Variants in GLIS3 observed in about 807,000 individuals in gnomAD.
GLIS3 encodes the protein zinc finger protein GLIS3.
In GLIS3, 53 loss-of-function variants were observed where a neutral mutation model predicts 78.6. The observed-to-expected ratio is 0.67, with a 90% CI of 0.54 to 0.85. The LOEUF (loss-of-function observed/expected upper bound fraction) is 0.85. Among genes scored for constraint, GLIS3 ranks in the 40% least tolerant of loss-of-function variants. GLIS3 has a pLI of 0.00. For missense variants in GLIS3, 1,703 were observed against 1,231.1 expected (o/e 1.38, Z -5.74); for synonymous variants, 684 against 509.9 (o/e 1.34, Z -4.60).
chr9:4,131,641 T>C (rs761333597), intron 2 of GLIS3, among the ~76,000 whole-genome samples: 24 of 152,352 alleles, frequency 1.6e-4, no homozygotes, highest in Non-Finnish European at 2.8e-4. Context: ...GAAAGTTTCC[T>C]GAGGCCACCC....
chr9:3,982,257 C>T (rs972848419), intron 4 of GLIS3, among the ~76,000 whole-genome samples: 1 of 151,616 alleles, frequency 6.6e-6, no homozygotes, highest in Non-Finnish European at 1.5e-5. Flanking sequence ...AAAAAGAGAT[C>T]ATCTGACTAC....
chr9:4,152,612 G>A lies in GLIS3; in HGVS notation c.389-26671C>T, dbSNP rs558853264. On this transcript the variant is annotated intron_variant, in intron 2 of 10. Transcript: ENST00000381971. ...AACCCATTTTCTGAGTAAACGTGGTGTTCACTCTCTCCTTTTCACAAAGTT... is the reference window on the plus strand; with the variant it reads ...AACCCATTTTCTGAGTAAACGTGGTATTCACTCTCTCCTTTTCACAAAGTT... Among the ~76,000 whole-genome samples, 3 of 152,144 alleles carry A rather than the reference G, an allele frequency of 2.0e-5. No individual in the cohort carries two copies. In the East Asian group the frequency reaches 5.8e-4, roughly 29 times the overall value.
chr9:4,235,768 A>G (rs1822675431), intron 2 of GLIS3, among the ~76,000 whole-genome samples: 1 of 152,144 alleles, frequency 6.6e-6, no homozygotes, highest in Non-Finnish European at 1.5e-5. Flanking sequence ...TCATTTAACC[A>G]CTTTGCTGTA....
At chr9:4,311,784 C>G (rs1817363786) in intron 2 of GLIS3, among the ~76,000 whole-genome samples, 1 of 152,216 alleles carries the variant, frequency 6.6e-6, no homozygotes, top group African/African-American at 2.4e-5. Flanking sequence ...CAGTGGTCGT[C>G]TGACAGGAGC....
At chr9:4,235,935 C>A (rs957763113) in intron 2 of GLIS3, among the ~76,000 whole-genome samples, 2 of 152,018 alleles carry the variant, frequency 1.3e-5, no homozygotes, top group Non-Finnish European at 2.9e-5. Context: ...ACAGAAACAA[C>A]GATCACCTCT....
chr9:4,403,955 C>G, the GLIS3 span, among the ~76,000 whole-genome samples: 1 of 152,048 alleles, frequency 6.6e-6, no homozygotes, highest in African/African-American at 2.4e-5. Flanking sequence ...AAAATAAGAT[C>G]CAATGATCTG....
At chr9:4,357,649 G>A in the GLIS3 span, among the ~76,000 whole-genome samples, 3 of 151,860 alleles carry the variant, frequency 2.0e-5, no homozygotes, top group South Asian at 6.2e-4. Context: ...ATGACTCATT[G>A]ACTCACGTGA....
intron 2 of GLIS3, among the ~76,000 whole-genome samples, chr9:4,247,386 T>C (rs1823899237): frequency 6.6e-6 from 1 of 152,164 alleles, no homozygotes; most frequent in Non-Finnish European, 1.5e-5. Context: ...ATTTACATGG[T>C]TAAAATTATA....
At chr9:4,047,135 G>A (rs1276751000) in intron 4 of GLIS3, among the ~76,000 whole-genome samples, 1 of 152,140 alleles carries the variant, frequency 6.6e-6, no homozygotes, top group Non-Finnish European at 1.5e-5. Context: ...TTTCCCCCAT[G>A]CTGTTCTTGT....
At chr9:4,162,445 C>T (rs1041034956) in intron 2 of GLIS3, among the ~76,000 whole-genome samples, 2 of 152,104 alleles carry the variant, frequency 1.3e-5, no homozygotes, top group African/African-American at 4.8e-5. Flanking sequence ...AGAACATTTG[C>T]AGACAAAATA....
chr9:3,834,459 C>G (rs911499366), intron 9 of GLIS3, among the ~76,000 whole-genome samples: 2 of 152,180 alleles, frequency 1.3e-5, no homozygotes, highest in Non-Finnish European at 2.9e-5. Flanking sequence ...GACTGAAGAA[C>G]TGACTTTTAA....
chr9:4,095,540 G>A (rs1267749135), intron 4 of GLIS3, among the ~76,000 whole-genome samples: 1 of 152,148 alleles, frequency 6.6e-6, no homozygotes, highest in African/African-American at 2.4e-5. Flanking sequence ...CTGAATGATG[G>A]GTCAAGCTAT....
At chr9:3,847,259 TGCCCAGAGAAAAGAGGG>T (rs1222096340) in intron 9 of GLIS3, among the ~76,000 whole-genome samples, 3 of 152,040 alleles carry the variant, frequency 2.0e-5, no homozygotes, top group African/African-American at 7.2e-5. Context: ...AGGCAGGAAG[TGCCCAGAGAAAAGAGGG>T]GCCCAGATAA....
At chr9:4,340,553 T>G (rs1275711666) in intron 2 of GLIS3, among the ~76,000 whole-genome samples, 1 of 152,124 alleles carries the variant, frequency 6.6e-6, no homozygotes, top group Admixed American at 6.5e-5. Context: ...TTCTGTGTAT[T>G]TGTGGTGGCA....
intron 4 of GLIS3, among the ~76,000 whole-genome samples, chr9:3,998,747 A>G (rs1237340270): frequency 6.7e-6 from 1 of 149,150 alleles, no homozygotes; most frequent in East Asian, 1.9e-4. Context: ...TATGGTTTTA[A>G]TTTTATGTTT....
At chr9:4,435,427 A>G in the GLIS3 span, among the ~76,000 whole-genome samples, 1 of 152,170 alleles carries the variant, frequency 6.6e-6, no homozygotes, top group Admixed American at 6.5e-5. Flanking sequence ...TTTCACTTGC[A>G]TGTGGAGCAC....
At chr9:4,398,690 G>A in the GLIS3 span, among the ~76,000 whole-genome samples, 390 of 151,684 alleles carry the variant, frequency 2.6e-3, 8 homozygotes, top group African/African-American at 9.0e-3. Flanking sequence ...TTTTGTTGTT[G>A]TTGTTGTATT....
At chr9:4,262,695 G>C (rs1007989067) in intron 2 of GLIS3, among the ~76,000 whole-genome samples, 2 of 151,996 alleles carry the variant, frequency 1.3e-5, no homozygotes, top group Admixed American at 6.6e-5. Flanking sequence ...TGTGCTGCTG[G>C]GCACTATGCA....
the GLIS3 span, among the ~76,000 whole-genome samples, chr9:4,408,713 C>A: frequency 8.2e-6 from 1 of 121,290 alleles, no homozygotes; most frequent in African/African-American, 3.7e-5. Flanking sequence ...GGCAACAGAG[C>A]CAGACTCTGT....
Sources: allele counts gnomAD v4.1 joint callset (sites outside exome capture counted in the v4.1 genomes callset), GRCh38; gene constraint gnomAD v4.1.1; transcripts MANE v1.5; gene names NCBI Gene and HGNC (gene_info 2026-07-23, HGNC 2026-07-21).